LRFN5: variants seen among roughly 807,000 people sequenced by gnomAD.
LRFN5 encodes the protein leucine rich repeat and fibronectin type III domain containing 5.
A neutral mutation model predicts 45.6 loss-of-function variants in LRFN5; 24 were observed. The ratio of observed to expected loss-of-function variants is 0.53; its 90% CI spans 0.38 to 0.74. The LOEUF is 0.74. Among genes scored for constraint, LRFN5 ranks in the 30% least tolerant of loss-of-function variants. LRFN5 has a pLI of 0.00. For missense variants in LRFN5, 776 were observed against 861.5 expected, an observed-to-expected ratio of 0.90 and a Z score of 1.24; for synonymous variants, 340 against 313.8, an observed-to-expected ratio of 1.08 and a Z score of -0.88.
chr14:41,646,397 C>T (rs1281415718), intron 1 of LRFN5, among the ~76,000 whole-genome samples: 4 of 152,060 alleles, frequency 2.6e-5, no homozygotes, highest in African/African-American at 9.7e-5. Context: ...ACTATCCTGT[C>T]TATTGCTGGA....
intron 2 of LRFN5, among the ~76,000 whole-genome samples, chr14:41,877,973 C>T (rs1890243776): frequency 6.6e-6 from 1 of 151,692 alleles, no homozygotes; most frequent in African/African-American, 2.4e-5. Context: ...TAATCAAATC[C>T]CAAAATGTAA....
At chr14:41,650,266 CAAAAAA>C (rs10654457) in intron 1 of LRFN5, among the ~76,000 whole-genome samples, 2,529 of 135,458 alleles carry the variant, frequency 0.019, 85 homozygotes, top group African/African-American at 0.064. Flanking sequence ...CACACACACA[CAAAAAA>C]AAAAAAGATA....
At chr14:41,740,147 A>G (rs950558102) in intron 1 of LRFN5, among the ~76,000 whole-genome samples, 2 of 152,058 alleles carry the variant, frequency 1.3e-5, no homozygotes, top group Non-Finnish European at 2.9e-5. Context: ...CCTTCTCAAG[A>G]TTATCCAGAA....
chr14:41,620,853 A>G (rs1369125525), intron 1 of LRFN5, among the ~76,000 whole-genome samples: 1 of 152,016 alleles, frequency 6.6e-6, no homozygotes, highest in Non-Finnish European at 1.5e-5. Flanking sequence ...TATTAAACAA[A>G]GGAAGCAGAT....
Position 41,764,290 on chromosome 14 carries a change from T to C in LRFN5, c.-196-2564T>C, listed in dbSNP as rs368171819. Among the ~76,000 whole-genome samples, 89 of 152,308 alleles carry C rather than the reference T, an allele frequency of 5.8e-4. 2 individuals carry two copies. In the South Asian group the frequency reaches 0.018, roughly 30 times the overall value. On this transcript the variant is annotated intron_variant, in intron 1 of 5. Transcript: ENST00000298119. Reference sequence around the variant, plus strand: ...AGCTTGCCCAAGGTTAGTTGACCTTTCTCTGTCCTTGCATTTTTGTAGCAC... The same window carrying C: ...AGCTTGCCCAAGGTTAGTTGACCTTCCTCTGTCCTTGCATTTTTGTAGCAC...
intron 2 of LRFN5, among the ~76,000 whole-genome samples, chr14:41,844,933 T>A (rs1889008362): frequency 6.6e-6 from 1 of 152,178 alleles, no homozygotes; most frequent in South Asian, 2.1e-4. Context: ...TATGACTTAT[T>A]TTCCTCATGT....
At chr14:41,747,562 C>G (rs931712696) in intron 1 of LRFN5, among the ~76,000 whole-genome samples, 12 of 152,048 alleles carry the variant, frequency 7.9e-5, no homozygotes, top group African/African-American at 2.9e-4. Flanking sequence ...ACAACTATAA[C>G]CTCTTAAAAC....
rs533178278 is a variant in LRFN5 at position 41,626,436 on chromosome 14, T to C, written c.-197+17874T>C. On this transcript the variant is annotated intron_variant, in intron 1 of 5. Transcript: ENST00000298119. ...CTGCTAATGGGAATTTCACTAACAG[T>C]GGGAAATACCAAAAATACTAATTTT... Among the ~76,000 whole-genome samples the C allele has an allele frequency of 2.6e-3, 391 of 152,192 alleles. 1 individual carries two copies. Among genetic ancestry groups the C allele is most frequent in the Non-Finnish European group, 4.3e-3 (290 of 67,956 alleles).
intron 2 of LRFN5, among the ~76,000 whole-genome samples, chr14:41,866,345 C>T (rs1428259716): frequency 6.6e-6 from 1 of 152,072 alleles, no homozygotes; most frequent in Non-Finnish European, 1.5e-5. Flanking sequence ...AGAATTTTCT[C>T]ATCTTCTGTA....
At chr14:41,635,007 T>G (rs1879230467) in intron 1 of LRFN5, among the ~76,000 whole-genome samples, 1 of 152,108 alleles carries the variant, frequency 6.6e-6, no homozygotes, top group Admixed American at 6.6e-5. Context: ...TTTCTAACTA[T>G]AGAAGGCAAT....
chr14:41,692,097 G>T (rs761321322), intron 1 of LRFN5, among the ~76,000 whole-genome samples: 2 of 152,026 alleles, frequency 1.3e-5, no homozygotes, highest in Non-Finnish European at 2.9e-5. Flanking sequence ...AAACATCTGG[G>T]AATAGAAATG....
At chr14:41,672,861 ATTG>A (rs1371205729) in intron 1 of LRFN5, among the ~76,000 whole-genome samples, 4 of 152,138 alleles carry the variant, frequency 2.6e-5, no homozygotes, top group African/African-American at 9.7e-5. Context: ...TTAATGATTT[ATTG>A]TTTTTATCTA....
chr14:41,730,967 A>G (rs1884149357), intron 1 of LRFN5, among the ~76,000 whole-genome samples: 2 of 152,214 alleles, frequency 1.3e-5, no homozygotes, highest in South Asian at 2.1e-4. Flanking sequence ...GGAGTGGTCT[A>G]TACAAAATGG....
chr14:41,674,381 A>T (rs1216827026), intron 1 of LRFN5, among the ~76,000 whole-genome samples: 1 of 110,872 alleles, frequency 9.0e-6, no homozygotes, highest in African/African-American at 3.5e-5. Context: ...CGGGGGGCTG[A>T]CCCCCCCACC....
At chr14:41,621,553 A>G (rs1888137126) in intron 1 of LRFN5, among the ~76,000 whole-genome samples, 1 of 152,134 alleles carries the variant, frequency 6.6e-6, no homozygotes, top group African/African-American at 2.4e-5. Flanking sequence ...AGGTGGAATT[A>G]TATGACGGTC....
At chr14:41,636,116 G>C (rs933995050) in intron 1 of LRFN5, among the ~76,000 whole-genome samples, 2 of 152,152 alleles carry the variant, frequency 1.3e-5, no homozygotes, top group African/African-American at 2.4e-5. Context: ...GTTCTCTGTT[G>C]AGAAATTATA....
intron 2 of LRFN5, among the ~76,000 whole-genome samples, chr14:41,886,393 T>C (rs1259325920): frequency 6.6e-6 from 1 of 152,204 alleles, no homozygotes. Context: ...TTTTTCCTAC[T>C]TGATTTTAAA....
Position 41,834,684 on chromosome 14 carries a change from C to T in LRFN5, c.-20-51922C>T, listed in dbSNP as rs1332892852. Among the ~76,000 whole-genome samples, 4 of 152,086 alleles carry T rather than the reference C, an allele frequency of 2.6e-5. No individual in the cohort carries two copies. In the East Asian group the frequency reaches 7.7e-4, roughly 29 times the overall value. On this transcript the variant is annotated intron_variant, in intron 2 of 5. Transcript: ENST00000298119. ...GTTTTGTTTTGTTGTGTTTGTGAGA[C>T]AGGTTCTCACTCTGTTGCCCAGGCT...
intron 2 of LRFN5, among the ~76,000 whole-genome samples, chr14:41,773,555 CTCTT>C (rs1034332791): frequency 9.2e-5 from 14 of 152,102 alleles, no homozygotes; most frequent in Non-Finnish European, 1.3e-4. Context: ...CTCTCTCTCT[CTCTT>C]TGTCTCTCTC....
Sources: gnomAD v4.1 joint callset for allele counts (sites outside exome capture counted in the v4.1 genomes callset) on GRCh38, gnomAD v4.1.1 for gene constraint, MANE v1.5 for transcripts, NCBI Gene and HGNC (gene_info 2026-07-23, HGNC 2026-07-21) for gene names.